KIAA0825: variants seen among roughly 807,000 people sequenced by gnomAD.
KIAA0825 encodes KIAA0825, also known as uncharacterized protein KIAA0825.
In KIAA0825, 119 loss-of-function variants were observed where a neutral mutation model predicts 147.6. That is an observed-to-expected ratio of 0.81 (90% CI 0.69 to 0.94). The LOEUF (loss-of-function observed/expected upper bound fraction) is 0.94. Ranked by LOEUF, KIAA0825 falls within the 40% of genes least tolerant of loss-of-function variation. The probability of loss-of-function intolerance (pLI) is 0.00; values close to 1 mark genes in which losing one functional copy is unlikely to be tolerated. For missense variants in KIAA0825, 1,381 were observed against 1,472.7 expected (o/e 0.94, Z 1.02); for synonymous variants, 470 against 518.1 (o/e 0.91, Z 1.26).
Position 94,459,811 on chromosome 5 carries a change from C to T in KIAA0825, c.2246+2576G>A, listed in dbSNP as rs150491961. Among the ~76,000 whole-genome samples, 668 of 151,822 alleles carry T rather than the reference C, an allele frequency of 4.4e-3. 5 individuals carry two copies. Among genetic ancestry groups the T allele is most frequent in the African/African-American group, 0.015 (641 of 41,398 alleles). On this transcript the variant is annotated intron_variant, in intron 12 of 20. Coordinates refer to ENST00000682413, the MANE Select transcript of KIAA0825 (RefSeq NM_001145678.3). Reference sequence around the variant, plus strand: ...TTTTGATATAAAACATCAAAACATTCGGGTAAATATAGATATAGACATTAG... The same window carrying T: ...TTTTGATATAAAACATCAAAACATTTGGGTAAATATAGATATAGACATTAG...
At chr5:94,259,508 A>G (rs1031427829) in intron 20 of KIAA0825, among the ~76,000 whole-genome samples, 6 of 152,042 alleles carry the variant, frequency 3.9e-5, no homozygotes, top group African/African-American at 1.4e-4. Flanking sequence ...AGGGAGACTT[A>G]ACATGCTTGC....
At chr5:94,387,230 A>G (rs146547829) in intron 18 of KIAA0825, among the ~76,000 whole-genome samples, 134 of 152,296 alleles carry the variant, frequency 8.8e-4, no homozygotes, top group Non-Finnish European at 1.8e-3. Context: ...CTTTGAGGTT[A>G]GGGTTAGGAT....
At chr5:94,379,085 C>T (rs1449612216) in intron 20 of KIAA0825, among the ~76,000 whole-genome samples, 7 of 152,136 alleles carry the variant, frequency 4.6e-5, no homozygotes, top group Non-Finnish European at 8.8e-5. Context: ...GTTTCTTTTG[C>T]TGTGCAGAAG....
intron 15 of KIAA0825, among the ~76,000 whole-genome samples, chr5:94,411,852 CAGGAGAATCG>C (rs1752808864): frequency 6.6e-6 from 1 of 152,004 alleles, no homozygotes; most frequent in South Asian, 2.1e-4. Context: ...GAGGCTGAGG[CAGGAGAATCG>C]CTTGAACCTG....
At chr5:94,254,863 A>G (rs1327799100) in intron 20 of KIAA0825, among the ~76,000 whole-genome samples, 2 of 152,040 alleles carry the variant, frequency 1.3e-5, no homozygotes, top group Non-Finnish European at 2.9e-5. Flanking sequence ...ATATGTCACT[A>G]TATTATCACA....
chr5:94,270,934 A>C (rs943105180), intron 20 of KIAA0825, among the ~76,000 whole-genome samples: 2 of 152,216 alleles, frequency 1.3e-5, no homozygotes, highest in Admixed American at 6.5e-5. Flanking sequence ...AGTTGGAATA[A>C]TATTTCCCCC....
chr5:94,288,495 A>G (rs545085664), intron 20 of KIAA0825, among the ~76,000 whole-genome samples: 1 of 152,290 alleles, frequency 6.6e-6, no homozygotes, highest in South Asian at 2.1e-4. Flanking sequence ...TTTGAGTTAG[A>G]GAAATCGGAG....
intron 10 of KIAA0825, among the ~76,000 whole-genome samples, chr5:94,467,862 G>A (rs550209702): frequency 6.6e-6 from 1 of 152,300 alleles, no homozygotes; most frequent in South Asian, 2.1e-4. Flanking sequence ...ATAATGGGGA[G>A]AGCAGAAGAA....
intron 7 of KIAA0825, among the ~76,000 whole-genome samples, chr5:94,474,419 A>C (rs1761600996): frequency 6.6e-6 from 1 of 152,184 alleles, no homozygotes. Flanking sequence ...CCCCAACTTC[A>C]GAAAACCCTG....
chr5:94,320,782 A>T (rs1234992432), intron 20 of KIAA0825, among the ~76,000 whole-genome samples: 1 of 152,074 alleles, frequency 6.6e-6, no homozygotes, highest in Non-Finnish European at 1.5e-5. Flanking sequence ...GGTTACTCAT[A>T]TTGACACACA....
chr5:94,304,307 T>C (rs1229623269), intron 20 of KIAA0825, among the ~76,000 whole-genome samples: 1 of 151,944 alleles, frequency 6.6e-6, no homozygotes, highest in African/African-American at 2.4e-5. Context: ...ATGGCAGGGA[T>C]TGTTGTAAGT....
At chr5:94,515,760 C>A (rs1026395318) in intron 5 of KIAA0825, among the ~76,000 whole-genome samples, 11 of 145,884 alleles carry the variant, frequency 7.5e-5, no homozygotes, top group African/African-American at 3.0e-4. Context: ...CCATTGCACT[C>A]CAGCCTGGGC....
At position 94,519,617 on chromosome 5, in the gene KIAA0825, T is replaced by G. The variant is rs1239184133; in HGVS notation, c.970+631A>C. On this transcript the variant is annotated intron_variant, in intron 5 of 20. Transcript: ENST00000682413. Reference sequence around the variant, plus strand: ...TTTAAAAATAGCTATAGTAAAATGTTATACCTTCCTAATCAACTACAATAC... The same window carrying G: ...TTTAAAAATAGCTATAGTAAAATGTGATACCTTCCTAATCAACTACAATAC... 5 of 597,612 alleles carry G rather than the reference T, an allele frequency of 8.4e-6. No homozygotes were observed. In the East Asian group the frequency reaches 5.7e-4, roughly 68 times the overall value. 37.0% of individuals were successfully genotyped at this position (597,612 alleles called of 1,614,324 possible).
At chr5:94,327,336 T>A (rs1780798015) in intron 20 of KIAA0825, among the ~76,000 whole-genome samples, 2 of 151,880 alleles carry the variant, frequency 1.3e-5, no homozygotes. Flanking sequence ...AGAACATGAA[T>A]ACTACTTTAT....
At chr5:94,164,020 A>G (rs1767806231) in intron 20 of KIAA0825, among the ~76,000 whole-genome samples, 1 of 152,204 alleles carries the variant, frequency 6.6e-6, no homozygotes, top group South Asian at 2.1e-4. Context: ...TTTGTATTCT[A>G]TTTAATATGT....
chr5:94,290,293 C>T (rs1437597868), intron 20 of KIAA0825, among the ~76,000 whole-genome samples: 1 of 152,150 alleles, frequency 6.6e-6, no homozygotes, highest in Admixed American at 6.5e-5. Flanking sequence ...TAGCCCCCCA[C>T]CACCCAACAG....
intron 20 of KIAA0825, among the ~76,000 whole-genome samples, chr5:94,379,755 T>C (rs1255005574): frequency 6.6e-6 from 1 of 152,006 alleles, no homozygotes; most frequent in Non-Finnish European, 1.5e-5. Flanking sequence ...CTTTTTTTCA[T>C]CTCTGATTTC....
At chr5:94,449,023 G>T (rs1584520977) in intron 13 of KIAA0825, among the ~76,000 whole-genome samples, 1 of 152,064 alleles carries the variant, frequency 6.6e-6, no homozygotes, top group African/African-American at 2.4e-5. Flanking sequence ...TAATGGGCAG[G>T]GGGGATATCA....
At chr5:94,355,814 T>C (rs1039107913) in intron 20 of KIAA0825, among the ~76,000 whole-genome samples, 3 of 152,214 alleles carry the variant, frequency 2.0e-5, no homozygotes, top group African/African-American at 7.2e-5. Flanking sequence ...TATTTGATAT[T>C]GCTTATTTAG....
Sources: gnomAD v4.1 joint callset for allele counts (sites outside exome capture counted in the v4.1 genomes callset) on GRCh38, gnomAD v4.1.1 for gene constraint, MANE v1.5 for transcripts, NCBI Gene and HGNC (gene_info 2026-07-23, HGNC 2026-07-21) for gene names.